Variants in TMEM254 observed in about 807,000 individuals in gnomAD.
TMEM254 encodes transmembrane protein C10orf57.
TMEM254 carries 16 observed loss-of-function variants against 13.9 expected under a neutral mutation model. That is an observed-to-expected ratio of 1.15 (90% CI 0.78 to 1.75). The LOEUF (loss-of-function observed/expected upper bound fraction) is 1.75. TMEM254 is among the 40% of genes most tolerant of loss of function. The pLI is 0.00. For missense variants in TMEM254, 155 were observed against 149.0 expected, an observed-to-expected ratio of 1.04 and a Z score of -0.21; for synonymous variants, 61 against 56.4, an observed-to-expected ratio of 1.08 and a Z score of -0.36.
chr10:80,079,296 TCGGTTACTCATGTAAG>T, intron 1 of TMEM254: 4 of 1,206,748 alleles, frequency 3.3e-6, no homozygotes, highest in Non-Finnish European at 3.2e-6. Context: ...GACGGTTGTC[TCGGTTACTCATGTAAG>T]CGGAAATTCG....
At position 80,079,321 on chromosome 10, in the gene TMEM254, C is replaced by T. The variant is rs7095041; in HGVS notation, c.87+535C>T. On this transcript the variant is annotated intron_variant, in intron 1 of 3. Coordinates refer to ENST00000372281, the MANE Select transcript of TMEM254 (RefSeq NM_025125.4). Reference sequence around the variant, plus strand: ...TCGGTTACTCATGTAAGCGGAAATTCGGTGGGCTCTTAGGATAGTTTCTGC... The same window carrying T: ...TCGGTTACTCATGTAAGCGGAAATTTGGTGGGCTCTTAGGATAGTTTCTGC... The T allele has an allele frequency of 2.6e-3, 3,093 of 1,198,164 alleles. 67 individuals are homozygous for T. The African/African-American group carries it at 0.045, about 17-fold the overall frequency. 74.2% of individuals were successfully genotyped at this position (1,198,164 alleles called of 1,614,324 possible). A position where few individuals can be genotyped will look rare whatever the true frequency, so the allele number is the denominator to read the frequency against.
intron 1 of TMEM254, 173 bp downstream of exon 1, chr10:80,078,959 CTGGTCCGCCAGGGTCT>C: frequency 6.5e-7 from 1 of 1,534,770 alleles, no homozygotes; most frequent in Middle Eastern, 1.7e-4. Flanking sequence ...AGCAAGCATA[CTGGTCCGCCAGGGTCT>C]TGGGCGGGCG....
In TMEM254 at chr10:80,091,110, A is replaced by G. The variant is rs1298860124; in HGVS notation, c.*193A>G. ...GTTGAGCTTGAATAGACCAGTTGTT[A>G]CTTAAGAAAGAAACAGAGAAAGATT... On this transcript the variant is annotated 3_prime_UTR_variant, in exon 4 of 4. Transcript: ENST00000372281. The G allele has an allele frequency of 1.8e-6, 1 of 564,732 alleles. No individual in the cohort carries two copies. The highest frequency in any genetic ancestry group is 2.9e-6 in the Non-Finnish European group (1 of 345,924). The allele number at this position is 564,732 out of a possible 1,614,324, so 35.0% of individuals were successfully genotyped here.
rs1318363831 is a variant in TMEM254, at chr10:80,081,957, G to A, written c.191+13G>A. 6.2e-7 allele frequency: 1 copy of A among 1,610,498 alleles called. No homozygotes were observed. The highest frequency in any genetic ancestry group is 1.7e-5 in the Admixed American group (1 of 59,958). On this transcript the variant is annotated intron_variant, in intron 2 of 3. Coordinates refer to ENST00000372281, the MANE Select transcript of TMEM254 (RefSeq NM_025125.4). ...TCCTGTGCAATGGGTAAGGAGAGCT[G>A]CACAAGTGGACTGTGGACACTGGAG...
At position 80,090,716 on chromosome 10, in the gene TMEM254, A is replaced by T. The variant is rs191533272; in HGVS notation, c.252-81A>T. On this transcript the variant is annotated intron_variant, in intron 3 of 3. Coordinates refer to ENST00000372281, the MANE Select transcript of TMEM254 (RefSeq NM_025125.4). ...AAGTAGTGGAAGGTATAATTTAAAA[A>T]ATATATATATAGAAGACAATAACTC... The T allele has an allele frequency of 1.3e-4, 168 of 1,339,596 alleles. 1 individual carries two copies. The African/African-American group carries it at 1.3e-3, about 11-fold the overall frequency. 83.0% of individuals were successfully genotyped at this position (1,339,596 alleles called of 1,614,324 possible). A position where few individuals can be genotyped will look rare whatever the true frequency, so the allele number is the denominator to read the frequency against.
In TMEM254 at chr10:80,081,940, A is replaced by C; in HGVS notation, c.187A>C (p.Asn63His). ...GGACCACCATCACACCCTCCTGTGC[A>C]ATGGGTAAGGAGAGCTGCACAAGTG... ...LVDHHHTLLC[N>H]GYWLAWLIHV... The change falls in exon 2 of 4, where the codon AAT becomes CAT. Residue 63 changes from asparagine (N) to histidine (H), a missense_variant. Physicochemically the swap from Asn to His is moderately conservative, Grantham distance 68. Coordinates refer to ENST00000372281, the MANE Select transcript of TMEM254 (RefSeq NM_025125.4). 1 of 1,613,398 alleles carries C rather than the reference A, an allele frequency of 6.2e-7. No homozygotes were observed. Among genetic ancestry groups the C allele is most frequent in the Non-Finnish European group, 8.5e-7 (1 of 1,179,478 alleles).
At chr10:80,079,676 G>A in intron 1 of TMEM254, 1 of 985,692 alleles carries the variant, frequency 1.0e-6, no homozygotes. Flanking sequence ...AGGATAACGA[G>A]AAAGATGCGT....
chr10:80,081,665 C>CAAA (rs113172526), intron 1 of TMEM254, 176 bp from the exon 2 acceptor site: 206 of 1,424,620 alleles, frequency 1.4e-4, no homozygotes, highest in African/African-American at 1.9e-4. Flanking sequence ...GAGACCCTGT[C>CAAA]AAAAAAAAAA....
rs1844586495 is a variant in TMEM254 at position 80,091,895 on chromosome 10, T to G, written c.*978T>G. On this transcript the variant is annotated 3_prime_UTR_variant, in exon 4 of 4. Transcript: ENST00000372281. Reference sequence around the variant, plus strand: ...GGTACCACCTTTTTTGTGGTTTCGTTGGTGAGAAACCTTTATCTTTTTCAT... The same window carrying G: ...GGTACCACCTTTTTTGTGGTTTCGTGGGTGAGAAACCTTTATCTTTTTCAT... 1 of 152,258 alleles carries G rather than the reference T, an allele frequency of 6.6e-6. No homozygotes were observed. Among genetic ancestry groups the G allele is most frequent in the Non-Finnish European group, 1.5e-5 (1 of 68,046 alleles). The allele number at this position is 152,258 out of a possible 1,614,324, so 9.4% of individuals were successfully genotyped here.
At chr10:80,086,846 A>G (rs1023511160) in intron 3 of TMEM254, among the ~76,000 whole-genome samples, 12 of 152,144 alleles carry the variant, frequency 7.9e-5, no homozygotes, top group Admixed American at 7.9e-4. Flanking sequence ...ATTTCAAAAA[A>G]AAAAAAAAAA....
chr10:80,082,409 A>G (rs1436135409), intron 3 of TMEM254, among the ~76,000 whole-genome samples: 1 of 152,188 alleles, frequency 6.6e-6, no homozygotes, highest in East Asian at 1.9e-4. Flanking sequence ...ATGTTGGTTA[A>G]CCAATTACTT....
chr10:80,081,766 C>T (rs767478618), intron 1 of TMEM254, 75 bp from the exon 2 acceptor site: 15 of 1,609,558 alleles, frequency 9.3e-6, no homozygotes, highest in Admixed American at 1.7e-5. Flanking sequence ...GTTTCACAGC[C>T]TTTCTCAAAA....
chr10:80,088,762 C>T (rs1380493444), intron 3 of TMEM254, among the ~76,000 whole-genome samples: 5 of 103,476 alleles, frequency 4.8e-5, no homozygotes, highest in African/African-American at 1.1e-4. Context: ...AGCAAGACTC[C>T]GTCTCAAAAA....
At chr10:80,079,248 G>A in intron 1 of TMEM254, 7 of 1,241,492 alleles carry the variant, frequency 5.6e-6, no homozygotes, top group Non-Finnish European at 7.3e-6. Flanking sequence ...GTAGGGCGAG[G>A]GGAGCTCTGG....
intron 3 of TMEM254, among the ~76,000 whole-genome samples, chr10:80,083,413 A>G (rs1450371164): frequency 6.6e-6 from 1 of 152,152 alleles, no homozygotes; most frequent in Non-Finnish European, 1.5e-5. Context: ...GCCACAAGCT[A>G]GACTTTCTAT....
intron 3 of TMEM254, among the ~76,000 whole-genome samples, chr10:80,090,595 A>G (rs1738304299): frequency 6.6e-6 from 1 of 152,244 alleles, no homozygotes; most frequent in Non-Finnish European, 1.5e-5. Flanking sequence ...GGAATAGTTT[A>G]CCATCCAAAA....
intron 3 of TMEM254, among the ~76,000 whole-genome samples, chr10:80,087,770 A>G (rs545328752): frequency 1.3e-5 from 2 of 152,232 alleles, no homozygotes; most frequent in East Asian, 1.9e-4. Flanking sequence ...TTTCCCCACA[A>G]TCTCACCAAT....
Position 80,078,786 on chromosome 10 carries a change from A to C in TMEM254, c.87A>C (p.Thr29=). The part of the protein sequence containing the change: ...TVITLSFGYY[T]WVVFWPQSIP... The stretch of plus-strand genomic sequence containing the variant: ...TCACCCTCAGCTTTGGCTACTACAC[A>C]GTAAGGACAGCCGCTGGAGCGCTAC... Residue 29 remains threonine (T), a splice_region_variant and synonymous_variant, in exon 1 of 4, where the codon ACA becomes ACC. Coordinates refer to ENST00000372281, the MANE Select transcript of TMEM254 (RefSeq NM_025125.4). The C allele has an allele frequency of 6.2e-7, 1 of 1,600,716 alleles. No individual in the cohort carries two copies. The highest frequency in any genetic ancestry group is 1.1e-5 in the South Asian group (1 of 88,998).
chr10:80,083,932 T>TA (rs1844180544), intron 3 of TMEM254, among the ~76,000 whole-genome samples: 1 of 151,676 alleles, frequency 6.6e-6, no homozygotes, highest in Middle Eastern at 3.2e-3. Flanking sequence ...CAAAAAATAC[T>TA]AAAAAAGCCA....
Sources: gnomAD v4.1 joint callset for allele counts (sites outside exome capture counted in the v4.1 genomes callset) on GRCh38, gnomAD v4.1.1 for gene constraint, MANE v1.5 for transcripts, NCBI Gene and HGNC (gene_info 2026-07-23, HGNC 2026-07-21) for gene names.